The following MDGA2 variants were observed in gnomAD, a reference collection of about 807,000 sequenced individuals.
MDGA2 encodes MAM domain containing glycosylphosphatidylinositol anchor 2, also known as MAM domain-containing glycosylphosphatidylinositol anchor protein 2.
Under a neutral mutation model 117.8 loss-of-function variants are expected in MDGA2, and 40 were observed. That is an observed-to-expected ratio of 0.34 (90% CI 0.26 to 0.44). MDGA2 has a LOEUF of 0.44. Among genes scored for constraint, MDGA2 ranks in the 20% least tolerant of loss-of-function variants. MDGA2 has a pLI of 1.00. For synonymous variants in MDGA2, 452 were observed against 439.0 expected, an observed-to-expected ratio of 1.03 and a Z score of -0.37; for missense variants, 1,123 against 1,250.6, an observed-to-expected ratio of 0.90 and a Z score of 1.54.
chr14:47,266,289 T>G (rs1277077261), intron 2 of MDGA2, among the ~76,000 whole-genome samples: 1 of 152,168 alleles, frequency 6.6e-6, no homozygotes, highest in African/African-American at 2.4e-5. Flanking sequence ...AACCCCAGAC[T>G]TATTTAATTT....
At chr14:47,236,119 C>T (rs1183698317) in intron 2 of MDGA2, among the ~76,000 whole-genome samples, 1 of 151,792 alleles carries the variant, frequency 6.6e-6, no homozygotes, top group African/African-American at 2.4e-5. Flanking sequence ...GGTGAAACCC[C>T]GTCTCTACTA....
At chr14:46,935,686 G>T (rs1566533842) in intron 9 of MDGA2, among the ~76,000 whole-genome samples, 1 of 152,064 alleles carries the variant, frequency 6.6e-6, no homozygotes, top group Non-Finnish European at 1.5e-5. Context: ...ACCAGTCCAT[G>T]ATAAATGCCC....
At chr14:47,025,710 C>CT (rs1555344407) in intron 8 of MDGA2, among the ~76,000 whole-genome samples, 2 of 141,852 alleles carry the variant, frequency 1.4e-5, no homozygotes, top group Admixed American at 7.1e-5. Context: ...TTCTCCACCA[C>CT]AAAAAAAAAA....
chr14:47,461,064 C>G (rs767265681), intron 1 of MDGA2, among the ~76,000 whole-genome samples: 17 of 152,030 alleles, frequency 1.1e-4, no homozygotes, highest in Non-Finnish European at 2.1e-4. Flanking sequence ...AAATTTTGTA[C>G]AAGTGTAAAA....
intron 1 of MDGA2, among the ~76,000 whole-genome samples, chr14:47,653,210 G>T (rs1402879736): frequency 6.6e-6 from 1 of 152,022 alleles, no homozygotes; most frequent in Non-Finnish European, 1.5e-5. Context: ...AAAAACTCAG[G>T]AAATACGAAC....
At chr14:47,542,905 T>A (rs944389202) in intron 1 of MDGA2, among the ~76,000 whole-genome samples, 2 of 152,188 alleles carry the variant, frequency 1.3e-5, no homozygotes, top group Non-Finnish European at 2.9e-5. Context: ...AGACACTGTG[T>A]TGAATTAGAA....
intron 9 of MDGA2, among the ~76,000 whole-genome samples, chr14:46,954,175 T>G (rs1300164024): frequency 6.6e-6 from 1 of 152,028 alleles, no homozygotes; most frequent in Non-Finnish European, 1.5e-5. Flanking sequence ...CTTATTCCAG[T>G]TAGCCCTTTA....
intron 2 of MDGA2, among the ~76,000 whole-genome samples, chr14:47,242,748 G>A (rs992089801): frequency 6.6e-5 from 10 of 151,772 alleles, no homozygotes; most frequent in African/African-American, 1.4e-4. Context: ...GCCCCTGTGC[G>A]GCCCGAGCCT....
intron 8 of MDGA2, among the ~76,000 whole-genome samples, chr14:46,994,062 T>C (rs1238196506): frequency 6.6e-6 from 1 of 152,108 alleles, no homozygotes; most frequent in Non-Finnish European, 1.5e-5. Flanking sequence ...CACGGGGTAA[T>C]CGATCAATCA....
chr14:47,166,919 CAG>C (rs1883903348), intron 3 of MDGA2, among the ~76,000 whole-genome samples: 1 of 152,108 alleles, frequency 6.6e-6, no homozygotes. Context: ...GCTGACAAGA[CAG>C]TGTGTGTGTC....
At chr14:46,976,742 T>G (rs568583462) in intron 8 of MDGA2, among the ~76,000 whole-genome samples, 1 of 152,066 alleles carries the variant, frequency 6.6e-6, no homozygotes, top group Admixed American at 6.6e-5. Context: ...TCTTCAGTTA[T>G]TTAACATACT....
intron 1 of MDGA2, among the ~76,000 whole-genome samples, chr14:47,413,005 G>GT (rs1566774307): frequency 6.6e-6 from 1 of 152,084 alleles, no homozygotes; most frequent in Admixed American, 6.5e-5. Context: ...ATTTCATTTT[G>GT]TTTTTTCAGG....
At chr14:47,618,318 T>C (rs1896984402) in intron 1 of MDGA2, among the ~76,000 whole-genome samples, 1 of 152,186 alleles carries the variant, frequency 6.6e-6, no homozygotes, top group African/African-American at 2.4e-5. Context: ...GATAAGTGAA[T>C]TCTATGAAAG....
intron 1 of MDGA2, among the ~76,000 whole-genome samples, chr14:47,467,548 C>A (rs1256292198): frequency 6.6e-6 from 1 of 152,080 alleles, no homozygotes; most frequent in East Asian, 1.9e-4. Flanking sequence ...TAATTTTCAA[C>A]ACCCAGAAGT....
chr14:47,122,271 C>A (rs1016266267), intron 5 of MDGA2, among the ~76,000 whole-genome samples: 1 of 152,072 alleles, frequency 6.6e-6, no homozygotes, highest in East Asian at 1.9e-4. Flanking sequence ...CCACACCCAG[C>A]TCTTGTTCAA....
intron 1 of MDGA2, among the ~76,000 whole-genome samples, chr14:47,316,374 T>G (rs563996001): frequency 6.6e-6 from 1 of 152,208 alleles, no homozygotes; most frequent in Non-Finnish European, 1.5e-5. Flanking sequence ...AAACCGCAAC[T>G]TTATGTATAT....
chr14:47,305,722 TGCACCTGCTAAAGGCTTACA>T (rs1229567118), intron 1 of MDGA2, among the ~76,000 whole-genome samples: 1 of 152,174 alleles, frequency 6.6e-6, no homozygotes, highest in African/African-American at 2.4e-5. Context: ...TGCCATGAGC[TGCACCTGCTAAAGGCTTACA>T]GCCTACTGGG....
At chr14:46,889,449 T>C (rs1446388469) in intron 10 of MDGA2, among the ~76,000 whole-genome samples, 3 of 152,114 alleles carry the variant, frequency 2.0e-5, no homozygotes, top group Non-Finnish European at 4.4e-5. Flanking sequence ...TATGTCTAAA[T>C]TAAAGAGTTT....
chr14:47,280,549 GT>G (rs1934545374), intron 2 of MDGA2, among the ~76,000 whole-genome samples: 1 of 151,960 alleles, frequency 6.6e-6, no homozygotes, highest in Non-Finnish European at 1.5e-5. Flanking sequence ...GTTTTAAAAT[GT>G]TTTCCAGACT....
Sources: allele counts gnomAD v4.1 joint callset (sites outside exome capture counted in the v4.1 genomes callset), GRCh38; gene constraint gnomAD v4.1.1; transcripts MANE v1.5; gene names NCBI Gene and HGNC (gene_info 2026-07-23, HGNC 2026-07-21).